Variants in SLC12A2 observed in about 807,000 individuals in gnomAD.
SLC12A2 encodes the protein Na-K-2Cl cotransporter 1.
SLC12A2 carries 67 observed loss-of-function variants against 136.3 expected under a neutral mutation model. The observed-to-expected ratio is 0.49, with a 90% CI of 0.40 to 0.60. The LOEUF (loss-of-function observed/expected upper bound fraction) is 0.60. Ranked by LOEUF, SLC12A2 falls within the 20% of genes least tolerant of loss-of-function variation. SLC12A2 has a pLI of 0.00. For missense variants in SLC12A2, 1,322 were observed against 1,534.7 expected, an observed-to-expected ratio of 0.86 and a Z score of 2.32; for synonymous variants, 619 against 562.9, an observed-to-expected ratio of 1.10 and a Z score of -1.41.
At chr5:128,092,242 T>C (rs1182028081) in intron 1 of SLC12A2, among the ~76,000 whole-genome samples, 1 of 152,234 alleles carries the variant, frequency 6.6e-6, no homozygotes, top group South Asian at 2.1e-4. Context: ...TACCTCTCAT[T>C]GTATCAGTCA....
intron 23 of SLC12A2, among the ~76,000 whole-genome samples, chr5:128,181,373 C>T (rs1763702632): frequency 6.6e-6 from 1 of 152,140 alleles, no homozygotes; most frequent in Non-Finnish European, 1.5e-5. Flanking sequence ...CCATTGTCAT[C>T]CATCCAATTC....
chr5:128,170,745 G>A (rs1393994460), intron 18 of SLC12A2: 1 of 152,152 alleles, frequency 6.6e-6, no homozygotes, highest in Non-Finnish European at 1.5e-5. Flanking sequence ...CAGGGTTTAA[G>A]TCTGGTTTTA....
intron 4 of SLC12A2, among the ~76,000 whole-genome samples, chr5:128,119,575 A>T (rs959623884): frequency 6.6e-6 from 1 of 152,038 alleles, no homozygotes; most frequent in South Asian, 2.1e-4. Flanking sequence ...TGTTCCATTG[A>T]TCTATATCTC....
intron 1 of SLC12A2, among the ~76,000 whole-genome samples, chr5:128,096,217 A>T (rs1310188854): frequency 3.3e-5 from 5 of 152,084 alleles, no homozygotes; most frequent in Admixed American, 6.6e-5. Flanking sequence ...GATATTAGGA[A>T]AGATGAGGTA....
Position 128,112,817 on chromosome 5 carries a change from C to A in SLC12A2, c.760C>A (p.Pro254Thr). The A allele has an allele frequency of 1.9e-6, 3 of 1,603,740 alleles. No individual in the cohort carries two copies. The highest frequency in any genetic ancestry group is 1.7e-6 in the Non-Finnish European group (2 of 1,175,522). Residue 254 changes from proline to threonine, a missense_variant, in exon 2 of 27, where the codon CCT (proline) becomes ACT (threonine). By Grantham distance (38) the Pro-to-Thr change is conservative. Transcript: ENST00000262461. Reference sequence around the variant, plus strand: ...TCATATTTCTTTTTATAACCAGGAACCTTTTGAGGATGGCTTTGCAAATGG... The same window carrying A: ...TCATATTTCTTTTTATAACCAGGAAACTTTTGAGGATGGCTTTGCAAATGG... ...AELHDELEKE[P>T]FEDGFANGEE...
intron 4 of SLC12A2, among the ~76,000 whole-genome samples, chr5:128,130,514 CAAA>C (rs565322518): frequency 4.9e-5 from 4 of 81,468 alleles, no homozygotes; most frequent in African/African-American, 9.7e-5. Context: ...GACTCTGTCT[CAAA>C]AAAAAAAAAA....
intron 1 of SLC12A2, among the ~76,000 whole-genome samples, chr5:128,092,345 A>G (rs1465991488): frequency 6.6e-5 from 10 of 152,188 alleles, no homozygotes; most frequent in Non-Finnish European, 7.4e-5. Context: ...TTTAGCTGCA[A>G]TTCAAGAATT....
Position 128,144,919 on chromosome 5 carries a change from C to T in SLC12A2, c.1774-2703C>T, listed in dbSNP as rs973127748. On this transcript the variant is annotated intron_variant, in intron 10 of 26. Coordinates refer to ENST00000262461, the MANE Select transcript of SLC12A2 (RefSeq NM_001046.3). ...CTTTTAGCTTTTATTAGACTTTTGT[C>T]TTTTTTTCCCCTTTAGAGACAAGAC... Among the ~76,000 whole-genome samples, 16 of 151,978 alleles carry T rather than the reference C, an allele frequency of 1.1e-4. 1 individual carries two copies. The highest frequency in any genetic ancestry group is 9.8e-4 in the Admixed American group (15 of 15,246).
chr5:128,115,239 A>G (rs1761301696), intron 4 of SLC12A2, among the ~76,000 whole-genome samples: 1 of 152,140 alleles, frequency 6.6e-6, no homozygotes, highest in Non-Finnish European at 1.5e-5. Context: ...ATTCTTCTGC[A>G]TCAGCCTCCT....
intron 24 of SLC12A2, among the ~76,000 whole-genome samples, chr5:128,183,974 AT>A (rs777274989): frequency 4.6e-5 from 7 of 151,568 alleles, no homozygotes; most frequent in African/African-American, 7.3e-5. Context: ...CAGATTTCAG[AT>A]TTTTTTTTAA....
At position 128,188,918 on chromosome 5, in the gene SLC12A2, T is replaced by A. The variant is rs544819780; in HGVS notation, c.*2287T>A. The A allele has an allele frequency of 6.7e-6, 1 of 148,396 alleles. No homozygotes were observed. Among genetic ancestry groups the A allele is most frequent in the East Asian group, 2.0e-4 (1 of 5,124 alleles). The allele number at this position is 148,396 out of a possible 1,614,324, so 9.2% of individuals were successfully genotyped here. A position where few individuals can be genotyped will look rare whatever the true frequency, so the allele number is the denominator to read the frequency against. On this transcript the variant is annotated 3_prime_UTR_variant, in exon 27 of 27. Transcript: ENST00000262461. ...ATCTTGAAATGTGCACAGGTACACT[T>A]ACCTTTTTTTTTTTTTTTTTTAAGT...
intron 1 of SLC12A2, among the ~76,000 whole-genome samples, chr5:128,088,007 C>CTG (rs58191870): frequency 0.032 from 4,495 of 140,342 alleles, 82 homozygotes; most frequent in African/African-American, 0.044. Flanking sequence ...GGAGGAGGCT[C>CTG]TGTGTGTGTG....
At chr5:128,180,127 G>T (rs1161496355) in intron 22 of SLC12A2, among the ~76,000 whole-genome samples, 1 of 151,168 alleles carries the variant, frequency 6.6e-6, no homozygotes, top group African/African-American at 2.4e-5. Context: ...CTGCCACCAT[G>T]CCCAGCTAAT....
At chr5:128,086,318 T>C (rs889735689) in intron 1 of SLC12A2, among the ~76,000 whole-genome samples, 3 of 152,232 alleles carry the variant, frequency 2.0e-5, no homozygotes, top group Admixed American at 1.3e-4. Context: ...TTGTGTTTTT[T>C]GCTTGGCTTT....
chr5:128,127,794 A>G (rs913683124), intron 4 of SLC12A2, among the ~76,000 whole-genome samples: 1 of 151,236 alleles, frequency 6.6e-6, no homozygotes. Flanking sequence ...TTTCATTCCT[A>G]ATTTACTTTT....
intron 19 of SLC12A2, among the ~76,000 whole-genome samples, chr5:128,174,262 C>T (rs1013860496): frequency 1.3e-5 from 2 of 152,056 alleles, no homozygotes; most frequent in Non-Finnish European, 2.9e-5. Context: ...TTGAGCATCT[C>T]TGATCCAGAA....
Position 128,114,774 on chromosome 5 carries a change from A to G in SLC12A2, c.1048+93A>G, listed in dbSNP as rs1260635601. On this transcript the variant is annotated intron_variant, in intron 4 of 26. Transcript: ENST00000262461. Reference sequence around the variant, plus strand: ...TTTAATTATTTTTTACTTTAACTGAAGCAACATATTAAGTCTATATAGACA... The same window carrying G: ...TTTAATTATTTTTTACTTTAACTGAGGCAACATATTAAGTCTATATAGACA... 1.3e-5 allele frequency: 10 copies of G among 783,802 alleles called. No homozygotes were observed. In the African/African-American group the frequency reaches 1.4e-4, roughly 11 times the overall value. 48.6% of individuals were successfully genotyped at this position (783,802 alleles called of 1,614,324 possible). A position where few individuals can be genotyped will look rare whatever the true frequency, so the allele number is the denominator to read the frequency against.
Position 128,105,869 on chromosome 5 carries a change from C to G in SLC12A2, c.757-6945C>G, listed in dbSNP as rs536860222. On this transcript the variant is annotated intron_variant, in intron 1 of 26. Coordinates refer to ENST00000262461, the MANE Select transcript of SLC12A2 (RefSeq NM_001046.3). Reference sequence around the variant, plus strand: ...TTTGCATAGCTTCTTTACCTACTAGCTTTTTATCCCTGGCCCCTCTCCTAA... The same window carrying G: ...TTTGCATAGCTTCTTTACCTACTAGGTTTTTATCCCTGGCCCCTCTCCTAA... Among the ~76,000 whole-genome samples the G allele has an allele frequency of 5.3e-4, 80 of 152,230 alleles. 1 individual carries two copies. The highest frequency in any genetic ancestry group is 8.5e-4 in the Non-Finnish European group (58 of 68,006).
At chr5:128,106,017 T>G (rs1252859764) in intron 1 of SLC12A2, among the ~76,000 whole-genome samples, 2 of 152,188 alleles carry the variant, frequency 1.3e-5, no homozygotes, top group Non-Finnish European at 2.9e-5. Context: ...ATCTGGATCT[T>G]CCATTCTTTC....
Sources: gnomAD v4.1 joint callset for allele counts (sites outside exome capture counted in the v4.1 genomes callset) on GRCh38, gnomAD v4.1.1 for gene constraint, MANE v1.5 for transcripts, NCBI Gene and HGNC (gene_info 2026-07-23, HGNC 2026-07-21) for gene names.